Variants in THSD7B observed in about 807,000 individuals in gnomAD.
THSD7B encodes the protein thrombospondin type-1 domain-containing protein 7B.
In THSD7B, 138 loss-of-function variants were observed where a neutral mutation model predicts 213.6. The observed-to-expected ratio is 0.65, with a 90% CI of 0.56 to 0.74. The LOEUF (loss-of-function observed/expected upper bound fraction) is 0.74, where lower values mean the gene tolerates loss of function less well. Ranked by LOEUF, THSD7B falls within the 30% of genes least tolerant of loss-of-function variation. THSD7B has a pLI of 0.00. For missense variants in THSD7B, 1,931 were observed against 1,991.5 expected (o/e 0.97, Z 0.58); for synonymous variants, 742 against 687.0 (o/e 1.08, Z -1.25).
At position 137,160,881 on chromosome 2, in the gene THSD7B, T is replaced by G. The variant is rs1001657136; in HGVS notation, c.1525+513T>G. ...TCGTGATCTGCCCACGTCAGTCTCC[T>G]AAAGTGCTGGGATTACAGGCGTGAG... On this transcript the variant is annotated intron_variant, in intron 6 of 27. Transcript: ENST00000409968. 7.9e-5 allele frequency among the ~76,000 whole-genome samples: 12 copies of G among 152,218 alleles called. No individual in the cohort carries two copies. The East Asian group carries it at 2.3e-3, about 29-fold the overall frequency.
chr2:137,043,539 G>A (rs533190199), intron 2 of THSD7B, among the ~76,000 whole-genome samples: 3 of 152,254 alleles, frequency 2.0e-5, no homozygotes, highest in East Asian at 3.9e-4. Context: ...GTTTTGCTCC[G>A]AGGAGGAGAA....
chr2:136,944,240 TGAGA>T (rs879435065), intron 2 of THSD7B, among the ~76,000 whole-genome samples: 5 of 152,248 alleles, frequency 3.3e-5, no homozygotes, highest in Admixed American at 6.5e-5. Context: ...CACTGTGGTC[TGAGA>T]GACAGTTTGT....
At chr2:136,845,287 A>G (rs370296219) in intron 1 of THSD7B, among the ~76,000 whole-genome samples, 113 of 152,344 alleles carry the variant, frequency 7.4e-4, no homozygotes, top group African/African-American at 2.5e-3. Flanking sequence ...GAAGAGCTCA[A>G]TCAAAGGGTA....
chr2:136,882,579 T>C (rs1181350675), intron 2 of THSD7B, among the ~76,000 whole-genome samples: 1 of 152,210 alleles, frequency 6.6e-6, no homozygotes, highest in African/African-American at 2.4e-5. Flanking sequence ...TACTTCTCCT[T>C]TGTCAAATAT....
chr2:137,450,909 T>C lies in THSD7B; in HGVS notation c.3024T>C (p.Ser1008=), dbSNP rs61741543. The change falls in exon 15 of 28, where the codon AGT becomes AGC. Residue 1008 remains serine (S), a synonymous_variant. Coordinates refer to ENST00000409968, the MANE Select transcript of THSD7B (RefSeq NM_001316349.2). ...ATTGCAAGTTAAGCGATTGGTCTAG[T>C]TGGGGGTCTTGCAGTTCATCTTGTG... ...PFDCKLSDWS[S]WGSCSSSCGI... is the part of the protein sequence containing the mutation. The C allele has an allele frequency of 9.9e-4, 1,602 of 1,613,600 alleles. 14 individuals are homozygous for C. In the African/African-American group the frequency reaches 0.019, roughly 19 times the overall value.
intron 17 of THSD7B, among the ~76,000 whole-genome samples, chr2:137,584,870 T>G (rs1163967966): frequency 1.3e-5 from 2 of 152,238 alleles, no homozygotes; most frequent in Non-Finnish European, 2.9e-5. Context: ...TAGCGAGGAT[T>G]CCCTCTTTTT....
At chr2:137,150,000 G>T (rs1223911615) in intron 5 of THSD7B, among the ~76,000 whole-genome samples, 1 of 152,106 alleles carries the variant, frequency 6.6e-6, no homozygotes, top group Non-Finnish European at 1.5e-5. Flanking sequence ...CCAGCAGTTT[G>T]GGAGGCCGAG....
At chr2:137,090,885 G>T (rs751457901) in intron 3 of THSD7B, among the ~76,000 whole-genome samples, 6 of 152,262 alleles carry the variant, frequency 3.9e-5, no homozygotes, top group Admixed American at 1.3e-4. Flanking sequence ...GCAGCTAAGA[G>T]ATTAAGATCG....
intron 2 of THSD7B, among the ~76,000 whole-genome samples, chr2:137,052,713 T>C (rs943618028): frequency 6.6e-6 from 1 of 152,184 alleles, no homozygotes; most frequent in African/African-American, 2.4e-5. Context: ...TACTTCAATA[T>C]TCATGTTTTT....
intron 1 of THSD7B, among the ~76,000 whole-genome samples, chr2:136,847,777 T>G (rs544060632): frequency 6.6e-6 from 1 of 152,306 alleles, no homozygotes; most frequent in East Asian, 1.9e-4. Context: ...CTTTTGAGAT[T>G]CTTGCCTTTA....
intron 15 of THSD7B, among the ~76,000 whole-genome samples, chr2:137,493,135 A>AC (rs1679467343): frequency 6.6e-6 from 1 of 150,600 alleles, no homozygotes; most frequent in Non-Finnish European, 1.5e-5. Context: ...AAAAAAAAAA[A>AC]AAAAAAAAAA....
At chr2:137,257,978 A>G (rs952004971) in intron 10 of THSD7B, among the ~76,000 whole-genome samples, 1 of 152,140 alleles carries the variant, frequency 6.6e-6, no homozygotes, top group Admixed American at 6.5e-5. Flanking sequence ...GACAAGAGTA[A>G]TTGTTATAGG....
rs1228301182 is a variant in THSD7B, at chr2:137,659,662, A to G, written c.4376-2A>G. The G allele has an allele frequency of 1.3e-6, 2 of 1,593,320 alleles. No individual in the cohort carries two copies. The highest frequency in any genetic ancestry group is 1.1e-5 in the South Asian group (1 of 87,188). ...CAAATGATGGTGGAATTTCCTTTGC[A>G]GGAGGCTGCTCCCCTCAGGCCCGTC... is the stretch of plus-strand genomic sequence containing the variant. On this transcript the variant is annotated splice_acceptor_variant, in intron 24 of 27. Transcript: ENST00000409968. LOFTEE classifies it high-confidence loss of function.
intron 10 of THSD7B, among the ~76,000 whole-genome samples, chr2:137,269,283 A>G (rs1489711784): frequency 6.6e-6 from 1 of 152,242 alleles, no homozygotes; most frequent in Non-Finnish European, 1.5e-5. Flanking sequence ...TCTGTAGGGC[A>G]TGAAAATCAA....
Position 137,077,660 on chromosome 2 carries a change from T to G in THSD7B, c.951-17213T>G, listed in dbSNP as rs552141519. 3.9e-5 allele frequency among the ~76,000 whole-genome samples: 6 copies of G among 152,132 alleles called. No homozygotes were observed. In the South Asian group the frequency reaches 8.3e-4, roughly 21 times the overall value. ...GTCTGTTCATATCCTTCGCCCACTT[T>G]TTGATGGGGTTGTTTGTTTTTTTCT... On this transcript the variant is annotated intron_variant, in intron 3 of 27. Transcript: ENST00000409968.
chr2:137,266,166 A>G (rs991409409), intron 10 of THSD7B, among the ~76,000 whole-genome samples: 1 of 152,214 alleles, frequency 6.6e-6, no homozygotes, highest in African/African-American at 2.4e-5. Context: ...GACGTGCTAG[A>G]GAAAATTCCT....
At chr2:136,945,896 G>T (rs921124470) in intron 2 of THSD7B, among the ~76,000 whole-genome samples, 1 of 152,030 alleles carries the variant, frequency 6.6e-6, no homozygotes, top group Non-Finnish European at 1.5e-5. Flanking sequence ...CCTTGTGATG[G>T]GTTTGAACAT....
chr2:136,902,225 C>T (rs1388276709), intron 2 of THSD7B, among the ~76,000 whole-genome samples: 6 of 152,124 alleles, frequency 3.9e-5, no homozygotes, highest in Admixed American at 6.5e-5. Context: ...CTGAATTTAT[C>T]GGATATATAG....
chr2:137,348,794 G>C (rs1028691738), intron 12 of THSD7B, among the ~76,000 whole-genome samples: 8 of 146,582 alleles, frequency 5.5e-5, no homozygotes, highest in African/African-American at 2.0e-4. Flanking sequence ...TTAAAGCCAA[G>C]GTCAAGACAC....
Sources: allele counts gnomAD v4.1 joint callset (sites outside exome capture counted in the v4.1 genomes callset), GRCh38; gene constraint gnomAD v4.1.1; transcripts MANE v1.5; gene names NCBI Gene and HGNC (gene_info 2026-07-23, HGNC 2026-07-21).